NCKAP5L: variants seen among roughly 807,000 people sequenced by gnomAD.
The protein encoded by NCKAP5L is nck-associated protein 5-like.
Under a neutral mutation model 103.2 loss-of-function variants are expected in NCKAP5L, and 54 were observed. That is an observed-to-expected ratio of 0.52 (90% CI 0.42 to 0.66). The LOEUF (loss-of-function observed/expected upper bound fraction) is 0.66. NCKAP5L is among the 30% of genes least tolerant of loss of function. NCKAP5L has a pLI of 0.00. For missense variants in NCKAP5L, 1,733 were observed against 1,750.6 expected (o/e 0.99, Z 0.18); for synonymous variants, 762 against 748.6 (o/e 1.02, Z -0.29).
In NCKAP5L at chr12:49,795,112, GC is replaced by G; in HGVS notation, c.2747del (p.Ser916ThrfsTer16). The G allele has an allele frequency of 6.2e-7, 1 of 1,613,350 alleles. No individual in the cohort carries two copies. Among genetic ancestry groups the G allele is most frequent in the Middle Eastern group, 1.7e-4 (1 of 6,060 alleles). Reference protein sequence around the residue: ...GAEVKHRNTSSIASWFGLKKS... With the variant: ...GAEVKHRNTSXIASWFGLKKS... ...TCTTAAGGCCGAACCAGCTGGCGAT[GC>G]TGCTGGTGTTGCGGTGCTTGACCTC... is the stretch of plus-strand genomic sequence containing the variant. On this transcript the variant is annotated frameshift_variant, in exon 8 of 13. Coordinates refer to ENST00000335999, the MANE Select transcript of NCKAP5L (RefSeq NM_001037806.4). LOFTEE classifies it high-confidence loss of function.
intron 1 of NCKAP5L, among the ~76,000 whole-genome samples, chr12:49,814,693 C>G (rs964482661): frequency 1.3e-5 from 2 of 151,952 alleles, no homozygotes; most frequent in African/African-American, 4.8e-5. Context: ...CATAGTAGCA[C>G]GTTCTCATGG....
At chr12:49,828,242 C>G (rs1034351310) in intron 1 of NCKAP5L, 80 bp downstream of exon 1, 3 of 152,502 alleles carry the variant, frequency 2.0e-5, no homozygotes, top group African/African-American at 7.2e-5. Flanking sequence ...CCCTCCACAC[C>G]CCACTCCCCC....
chr12:49,803,865 C>T (rs1946149218), intron 3 of NCKAP5L, 57 bp downstream of exon 3: 5 of 1,569,646 alleles, frequency 3.2e-6, no homozygotes, highest in Non-Finnish European at 4.3e-6. Context: ...GAGGGGCAGC[C>T]CTGCCTCCCC....
chr12:49,798,125 T>C (rs2137005026), intron 7 of NCKAP5L, among the ~76,000 whole-genome samples: 1 of 152,334 alleles, frequency 6.6e-6, no homozygotes, highest in South Asian at 2.1e-4. Flanking sequence ...ACACAGTGCC[T>C]GGCATGCAGT....
intron 6 of NCKAP5L, 90 bp downstream of exon 6, chr12:49,801,758 T>C (rs1007434682): frequency 5.3e-6 from 8 of 1,510,074 alleles, no homozygotes; most frequent in African/African-American, 2.7e-5. Context: ...CCTGCTTCCC[T>C]AGGGGCACGT....
At chr12:49,811,774 T>C (rs1210839120) in intron 1 of NCKAP5L, among the ~76,000 whole-genome samples, 1 of 151,912 alleles carries the variant, frequency 6.6e-6, no homozygotes, top group Non-Finnish European at 1.5e-5. Context: ...CCCTTTTTAT[T>C]CTCTTAAACA....
At chr12:49,815,705 G>A (rs1004631009) in intron 1 of NCKAP5L, among the ~76,000 whole-genome samples, 1 of 152,088 alleles carries the variant, frequency 6.6e-6, no homozygotes, top group Non-Finnish European at 1.5e-5. Flanking sequence ...GGCCAGGCTG[G>A]TTTCGAACTC....
chr12:49,792,818 G>A lies in NCKAP5L; in HGVS notation c.3509C>T (p.Pro1170Leu), dbSNP rs764717617. The A allele has an allele frequency of 6.3e-7, 1 of 1,589,406 alleles. No homozygotes were observed. The highest frequency in any genetic ancestry group is 1.7e-5 in the Admixed American group (1 of 57,986). Residue 1170 changes from proline to leucine, a missense_variant, in exon 11 of 13, where the codon CCC (proline) becomes CTC (leucine). Pro to Leu is a moderately conservative substitution (Grantham distance 98, BLOSUM62 -3). Coordinates refer to ENST00000335999, the MANE Select transcript of NCKAP5L (RefSeq NM_001037806.4). The surrounding 1 kb of genome is among the most constrained non-coding windows in gnomAD (Gnocchi z 4.5). ...PARPPPLTKVPRRAHTLEREV... is the reference protein window; with the variant it reads ...PARPPPLTKVLRRAHTLEREV... ...CCGCTCCAGTGTGTGGGCGCGGCGG[G>A]GGACTTTGGTAAGGGGTGGGGGCCG...
At chr12:49,807,790 C>A (rs1300928152) in intron 1 of NCKAP5L, among the ~76,000 whole-genome samples, 1 of 152,216 alleles carries the variant, frequency 6.6e-6, no homozygotes, top group Non-Finnish European at 1.5e-5. Context: ...CTGCAGCAAC[C>A]TGCCCATCGG....
At chr12:49,811,232 C>A (rs1453296280) in intron 1 of NCKAP5L, among the ~76,000 whole-genome samples, 3 of 152,224 alleles carry the variant, frequency 2.0e-5, no homozygotes, top group African/African-American at 7.2e-5. Context: ...CTCTTCCCCA[C>A]CACAGAAGGC....
chr12:49,794,614 C>CCCG (rs1946000578), intron 8 of NCKAP5L, 151 bp downstream of exon 8: 2 of 435,458 alleles, frequency 4.6e-6, no homozygotes, highest in Admixed American at 5.5e-5. Context: ...GACCCCCCCA[C>CCCG]CAGCTGCTTT....
intron 5 of NCKAP5L, chr12:49,802,705 A>G: frequency 1.8e-6 from 1 of 562,392 alleles, no homozygotes; most frequent in South Asian, 2.3e-5. Context: ...TTTAAGGGCT[A>G]TCACAACCTG....
chr12:49,821,638 T>C (rs1339423770), intron 1 of NCKAP5L, among the ~76,000 whole-genome samples: 1 of 152,254 alleles, frequency 6.6e-6, no homozygotes, highest in East Asian at 1.9e-4. Flanking sequence ...CTTGCTCTTA[T>C]AGCACATGTC....
In NCKAP5L at chr12:49,791,864, A is replaced by G; in HGVS notation, c.3980T>C (p.Leu1327Pro). Residue 1327 changes from leucine (L) to proline (P), a missense_variant, in exon 13 of 13, where the codon CTG becomes CCG. Transcript: ENST00000335999. ...TCAGCCCTGACTCCCACAAGAGGAC[A>G]GCGAGTCGTAGAGTGAGTCACTGAG... The part of the protein sequence containing the change: ...ESLSDSLYDS[L>P]SSCGSQG 3 of 1,609,860 alleles carry G rather than the reference A, an allele frequency of 1.9e-6. No individual in the cohort carries two copies. Among genetic ancestry groups the G allele is most frequent in the Non-Finnish European group, 2.5e-6 (3 of 1,178,022 alleles).
chr12:49,811,251 C>T (rs1213629503), intron 1 of NCKAP5L, among the ~76,000 whole-genome samples: 3 of 152,200 alleles, frequency 2.0e-5, no homozygotes. Flanking sequence ...GCCAGCTCAG[C>T]CCCACTGTCA....
rs956592253 is a variant in NCKAP5L, at chr12:49,792,327, G to T, written c.3792+119C>A. 5 of 1,541,850 alleles carry T rather than the reference G, an allele frequency of 3.2e-6. No individual in the cohort carries two copies. The highest frequency in any genetic ancestry group is 4.4e-6 in the Non-Finnish European group (5 of 1,143,564). On this transcript the variant is annotated intron_variant, in intron 12 of 12. Transcript: ENST00000335999. This position sits in a 1 kb window ranked among gnomAD's most constrained non-coding sequence, Gnocchi z 4.5. ...GGGCATCCCAGGGGTCCTCCTCCCAGAGGGTGCAGCACTGAGACTGTGCGA... is the reference window on the plus strand; with the variant it reads ...GGGCATCCCAGGGGTCCTCCTCCCATAGGGTGCAGCACTGAGACTGTGCGA...
chr12:49,824,882 A>C (rs1401330451), intron 1 of NCKAP5L, among the ~76,000 whole-genome samples: 1 of 152,210 alleles, frequency 6.6e-6, no homozygotes, highest in African/African-American at 2.4e-5. Context: ...TATGTTACAA[A>C]GCTGACCAGA....
In NCKAP5L at chr12:49,792,701, C is replaced by T. The variant is rs528762702; in HGVS notation, c.3626G>A (p.Arg1209Gln). 90 of 1,611,728 alleles carry T rather than the reference C, an allele frequency of 5.6e-5. 2 individuals are homozygous for T. The South Asian group carries it at 6.7e-4, about 12-fold the overall frequency. The stretch of plus-strand genomic sequence containing the variant: ...ACCATCAGGACAGGTCTCATGGCCC[C>T]GGTGGCCCGGAGCAGCGGGTAGCAG... ...PALLPAAPGH[R>Q]GHETCPDDPC... The change falls in exon 11 of 13, where the codon CGG (arginine) becomes CAG (glutamine). Residue 1209 changes from arginine to glutamine, a missense_variant. Arg to Gln is a conservative substitution (Grantham distance 43). Transcript: ENST00000335999. The surrounding 1 kb of genome is among the most constrained non-coding windows in gnomAD (Gnocchi z 4.5).
intron 1 of NCKAP5L, among the ~76,000 whole-genome samples, chr12:49,811,764 C>G (rs1445785361): frequency 6.6e-6 from 1 of 152,030 alleles, no homozygotes; most frequent in East Asian, 1.9e-4. Flanking sequence ...CAAAGAGGGA[C>G]CCTTTTTATT....
Sources: allele counts gnomAD v4.1 joint callset (sites outside exome capture counted in the v4.1 genomes callset), GRCh38; gene constraint gnomAD v4.1.1; non-coding constraint Gnocchi (gnomAD v3.1); transcripts MANE v1.5; gene names NCBI Gene and HGNC (gene_info 2026-07-23, HGNC 2026-07-21).